The following CSMD3 variants were observed in gnomAD, a reference collection of about 807,000 sequenced individuals.
The protein encoded by CSMD3 is CUB and Sushi multiple domains 3.
A neutral mutation model predicts 435.2 loss-of-function variants in CSMD3; 177 were observed. The ratio of observed to expected loss-of-function variants is 0.41; its 90% CI spans 0.36 to 0.46. The LOEUF (loss-of-function observed/expected upper bound fraction) is 0.46. CSMD3 is among the 20% of genes least tolerant of loss of function. CSMD3 has a pLI of 0.34. For synonymous variants in CSMD3, 1,656 were observed against 1,520.5 expected, an observed-to-expected ratio of 1.09 and a Z score of -2.07; for missense variants, 4,265 against 4,504.6, an observed-to-expected ratio of 0.95 and a Z score of 1.52.
At chr8:112,444,215 A>G (rs1029859888) in intron 32 of CSMD3, among the ~76,000 whole-genome samples, 8 of 152,224 alleles carry the variant, frequency 5.3e-5, no homozygotes, top group African/African-American at 1.4e-4. Flanking sequence ...GACTGATAAT[A>G]TTAATGAGCA....
chr8:112,237,337 C>T lies in CSMD3; in HGVS notation c.10480G>A (p.Val3494Ile), dbSNP rs866015702. 6.2e-7 allele frequency: 1 copy of T among 1,608,798 alleles called. No homozygotes were observed. Among genetic ancestry groups the T allele is most frequent in the South Asian group, 1.1e-5 (1 of 90,958 alleles). The change falls in exon 67 of 71, where the codon GTA (valine) becomes ATA (isoleucine). Residue 3494 changes from valine (V) to isoleucine (I), a missense_variant. Physicochemically the swap from Val to Ile is conservative, Grantham distance 29 (BLOSUM62 3). Coordinates refer to ENST00000297405, the MANE Select transcript of CSMD3 (RefSeq NM_198123.2). ...PSPKLSVPDD[V>I]FAQNYIWKGS... is the part of the protein sequence containing the mutation. ...TTCCATATATAATTTTGGGCAAATA[C>T]ATCATCAGGAACTGTGAATAGATTA... is the stretch of plus-strand genomic sequence containing the variant.
intron 13 of CSMD3, among the ~76,000 whole-genome samples, chr8:112,777,123 C>G (rs997504282): frequency 6.6e-6 from 1 of 151,662 alleles, no homozygotes; most frequent in African/African-American, 2.4e-5. Flanking sequence ...AAATGAAAGA[C>G]AAGCAAAAAT....
At chr8:112,449,501 G>A (rs1006140648) in intron 32 of CSMD3, among the ~76,000 whole-genome samples, 9 of 152,100 alleles carry the variant, frequency 5.9e-5, no homozygotes, top group Non-Finnish European at 1.2e-4. Flanking sequence ...CAGAGACAGA[G>A]AATATGCGCC....
chr8:113,126,600 T>G (rs1008585711), intron 4 of CSMD3, among the ~76,000 whole-genome samples: 1 of 151,820 alleles, frequency 6.6e-6, no homozygotes, highest in Non-Finnish European at 1.5e-5. Context: ...AGAATACAAT[T>G]TGAGACAGAT....
At chr8:112,563,221 T>A (rs1000297536) in intron 24 of CSMD3, among the ~76,000 whole-genome samples, 8 of 151,802 alleles carry the variant, frequency 5.3e-5, no homozygotes, top group African/African-American at 1.9e-4. Flanking sequence ...TGACACAACA[T>A]GTATTTCTCA....
At chr8:112,412,219 T>A (rs908720571) in intron 32 of CSMD3, among the ~76,000 whole-genome samples, 1 of 152,114 alleles carries the variant, frequency 6.6e-6, no homozygotes, top group Non-Finnish European at 1.5e-5. Flanking sequence ...AGAGTCATAA[T>A]TATGCTCTTT....
chr8:113,351,542 T>C (rs999334168), intron 1 of CSMD3, among the ~76,000 whole-genome samples: 5 of 152,098 alleles, frequency 3.3e-5, no homozygotes, highest in Non-Finnish European at 5.9e-5. Context: ...AAATTAAATA[T>C]ATTAAATAAA....
chr8:113,020,739 ATGTT>A (rs1329461069), intron 5 of CSMD3, among the ~76,000 whole-genome samples: 4 of 152,152 alleles, frequency 2.6e-5, no homozygotes, highest in African/African-American at 9.6e-5. Context: ...TTATTATACT[ATGTT>A]TGTGGGGTGG....
intron 1 of CSMD3, among the ~76,000 whole-genome samples, chr8:113,360,787 A>G (rs1407840078): frequency 6.6e-6 from 1 of 151,614 alleles, no homozygotes; most frequent in East Asian, 1.9e-4. Flanking sequence ...GTTAGCCAGG[A>G]TGGTCTCGAT....
chr8:112,443,187 C>T (rs889898521), intron 32 of CSMD3, among the ~76,000 whole-genome samples: 6 of 152,094 alleles, frequency 3.9e-5, no homozygotes, highest in Non-Finnish European at 2.9e-5. Flanking sequence ...TGCTGTTCTT[C>T]CCTCACTAAA....
intron 13 of CSMD3, among the ~76,000 whole-genome samples, chr8:112,799,021 T>G (rs2078897555): frequency 6.6e-6 from 1 of 151,886 alleles, no homozygotes; most frequent in Non-Finnish European, 1.5e-5. Context: ...AAAAGACAGA[T>G]AAATACATGT....
chr8:112,858,910 T>C (rs1328563718), intron 11 of CSMD3, among the ~76,000 whole-genome samples: 2 of 151,888 alleles, frequency 1.3e-5, no homozygotes, highest in African/African-American at 4.8e-5. Context: ...AAAGCATTCA[T>C]TTGTAATTTT....
At chr8:113,256,973 C>G (rs1187920700) in intron 3 of CSMD3, among the ~76,000 whole-genome samples, 1 of 152,124 alleles carries the variant, frequency 6.6e-6, no homozygotes, top group African/African-American at 2.4e-5. Flanking sequence ...ACACTGAAGT[C>G]TGGAAAGCCC....
intron 3 of CSMD3, among the ~76,000 whole-genome samples, chr8:113,272,353 TA>T (rs1466096364): frequency 6.6e-6 from 1 of 152,192 alleles, no homozygotes; most frequent in East Asian, 1.9e-4. Flanking sequence ...AATTCCCATG[TA>T]TTGTGGGAGG....
chr8:112,888,738 G>A (rs1181924984), intron 10 of CSMD3, among the ~76,000 whole-genome samples: 1 of 151,642 alleles, frequency 6.6e-6, no homozygotes, highest in Non-Finnish European at 1.5e-5. Flanking sequence ...TGTAATTTCT[G>A]TTAGCGCCTG....
At chr8:113,245,031 G>T (rs189541890) in intron 3 of CSMD3, among the ~76,000 whole-genome samples, 1 of 152,146 alleles carries the variant, frequency 6.6e-6, no homozygotes, top group African/African-American at 2.4e-5. Context: ...ATTAGAAAAT[G>T]TCCCTCTTTG....
intron 13 of CSMD3, among the ~76,000 whole-genome samples, chr8:112,794,896 T>G (rs2078789897): frequency 1.3e-5 from 2 of 152,116 alleles, no homozygotes; most frequent in South Asian, 2.1e-4. Context: ...TATTTGAAAA[T>G]TATTGTGTAT....
intron 27 of CSMD3, among the ~76,000 whole-genome samples, chr8:112,538,115 TA>T (rs572494481): frequency 8.0e-5 from 12 of 150,108 alleles, no homozygotes; most frequent in Admixed American, 2.0e-4. Context: ...CAACAAATGC[TA>T]AAAAAAAAGC....
chr8:113,430,071 A>G (rs902444087), intron 1 of CSMD3, among the ~76,000 whole-genome samples: 1 of 152,162 alleles, frequency 6.6e-6, no homozygotes, highest in African/African-American at 2.4e-5. Context: ...TTATTCATAT[A>G]GCCAGCACCA....
Sources: allele counts gnomAD v4.1 joint callset (sites outside exome capture counted in the v4.1 genomes callset), GRCh38; gene constraint gnomAD v4.1.1; transcripts MANE v1.5; gene names NCBI Gene and HGNC (gene_info 2026-07-23, HGNC 2026-07-21).